NIPBL: variants seen among roughly 807,000 people sequenced by gnomAD.
The protein encoded by NIPBL is NIPBL cohesin loading factor.
A neutral mutation model predicts 321.8 loss-of-function variants in NIPBL; 19 were observed. The ratio of observed to expected loss-of-function variants is 0.06; its 90% confidence interval spans 0.04 to 0.09. NIPBL has a LOEUF of 0.09. Among genes scored for constraint, NIPBL ranks in the 10% least tolerant of loss-of-function variants. NIPBL has a pLI of 1.00. For synonymous variants in NIPBL, 1,106 were observed against 1,114.1 expected (o/e 0.99, Z 0.14); for missense variants, 2,210 against 3,327.0 (o/e 0.66, Z 8.26).
intron 38 of NIPBL, among the ~76,000 whole-genome samples, chr5:37,047,206 C>G (rs1258623339): frequency 6.6e-6 from 1 of 152,078 alleles, no homozygotes; most frequent in African/African-American, 2.4e-5. Context: ...GGTTCTGGAG[C>G]CAATCCCCCA....
At chr5:37,036,522 GATTTT>G in intron 33 of NIPBL, 35 bp downstream of exon 33, 1 of 854,870 alleles carries the variant, frequency 1.2e-6, no homozygotes, top group Non-Finnish European at 1.7e-6. Flanking sequence ...ATCTTTAGTT[GATTTT>G]ATAAGATATT....
In NIPBL at chr5:36,968,095, C is replaced by CAAAAA. The variant is rs1194609840; in HGVS notation, c.611-2769_611-2765dup. On this transcript the variant is annotated intron_variant, in intron 6 of 46. Transcript: ENST00000282516. ...TGGACAACAGAGTGAGACTCTGTCT[C>CAAAAA]AAAAAAAAAAAAAAAACAAAAAACA... Among the ~76,000 whole-genome samples, 35 of 53,774 alleles carry CAAAAA rather than the reference C, an allele frequency of 6.5e-4. 1 individual carries two copies. Among genetic ancestry groups the CAAAAA allele is most frequent in the East Asian group, 1.4e-3 (3 of 2,082 alleles). 35.3% of individuals were successfully genotyped at this position (53,774 alleles called of 152,430 possible).
chr5:37,010,039 A>C (rs1466191476), intron 20 of NIPBL, 48 bp from the exon 21 acceptor site: 2 of 1,413,004 alleles, frequency 1.4e-6, no homozygotes, highest in Non-Finnish European at 2.0e-6. Context: ...ATGACATTTA[A>C]ATGAGATTAT....
chr5:36,945,726 A>AT (rs1739595433), intron 1 of NIPBL, among the ~76,000 whole-genome samples: 1 of 152,194 alleles, frequency 6.6e-6, no homozygotes, highest in Non-Finnish European at 1.5e-5. Flanking sequence ...GAAAGTGAGA[A>AT]TTTTTACAGT....
intron 1 of NIPBL, among the ~76,000 whole-genome samples, chr5:36,906,009 G>T (rs1002173417): frequency 6.6e-6 from 1 of 152,118 alleles, no homozygotes; most frequent in Non-Finnish European, 1.5e-5. Flanking sequence ...CTCCCAAAGT[G>T]CTGGGATTAC....
At chr5:36,990,718 G>A (rs1320212447) in intron 10 of NIPBL, among the ~76,000 whole-genome samples, 4 of 152,090 alleles carry the variant, frequency 2.6e-5, no homozygotes, top group Non-Finnish European at 4.4e-5. Flanking sequence ...ATTTTCCAAA[G>A]TATGCTTAAT....
intron 10 of NIPBL, among the ~76,000 whole-genome samples, chr5:36,992,502 T>A (rs1745642950): frequency 1.3e-5 from 2 of 152,122 alleles, no homozygotes; most frequent in African/African-American, 4.8e-5. Flanking sequence ...ACTGAGTTAG[T>A]TATCCAGATC....
chr5:36,907,033 C>T (rs1747691330), intron 1 of NIPBL, among the ~76,000 whole-genome samples: 1 of 152,188 alleles, frequency 6.6e-6, no homozygotes, highest in Non-Finnish European at 1.5e-5. Flanking sequence ...TTCCGCTTCT[C>T]ATCCCATCAT....
At chr5:36,886,184 T>C (rs1745892617) in intron 1 of NIPBL, 1 of 647,300 alleles carries the variant, frequency 1.5e-6, no homozygotes, top group Non-Finnish European at 2.8e-6. Context: ...CTGAGGGAGG[T>C]GGAGACCTGC....
At chr5:36,994,205 A>G (rs1182951929) in intron 10 of NIPBL, among the ~76,000 whole-genome samples, 2 of 152,174 alleles carry the variant, frequency 1.3e-5, no homozygotes, top group African/African-American at 2.4e-5. Context: ...AAAATGACAC[A>G]GAAGTTAAAC....
At position 37,053,031 on chromosome 5, in the gene NIPBL, C is replaced by G. The variant is rs553042649; in HGVS notation, c.7263+465C>G. ...TAGTCCTCCCTTATCATTAAAGATA[C>G]ATTTCATGACCCCCAGTGGATGCAT... is the stretch of plus-strand genomic sequence containing the variant. On this transcript the variant is annotated intron_variant, in intron 42 of 46. Transcript: ENST00000282516. Among the ~76,000 whole-genome samples, 8 of 152,264 alleles carry G rather than the reference C, an allele frequency of 5.3e-5. No homozygotes were observed. The East Asian group carries it at 5.8e-4, about 11-fold the overall frequency.
intron 32 of NIPBL, among the ~76,000 whole-genome samples, chr5:37,033,501 T>C (rs1751300062): frequency 1.3e-5 from 2 of 150,858 alleles, no homozygotes; most frequent in Non-Finnish European, 2.9e-5. Context: ...CTGCAGATGA[T>C]GGAGAAAAGA....
chr5:36,898,022 A>G (rs1181950744), intron 1 of NIPBL, among the ~76,000 whole-genome samples: 1 of 152,176 alleles, frequency 6.6e-6, no homozygotes, highest in Non-Finnish European at 1.5e-5. Context: ...AAAATAACAG[A>G]TTACAGTATT....
At chr5:37,014,401 G>C (rs1748681677) in intron 21 of NIPBL, among the ~76,000 whole-genome samples, 1 of 150,956 alleles carries the variant, frequency 6.6e-6, no homozygotes, top group Non-Finnish European at 1.5e-5. Context: ...TTTCTGTTCT[G>C]ACCAGGATTA....
At chr5:36,977,838 A>ATTT (rs929914738) in intron 9 of NIPBL, among the ~76,000 whole-genome samples, 53 of 151,860 alleles carry the variant, frequency 3.5e-4, no homozygotes, top group African/African-American at 1.2e-3. Context: ...ATTCCCACTT[A>ATTT]TAAGTGAGAA....
intron 13 of NIPBL, 49 bp from the exon 14 acceptor site, chr5:37,000,940 A>T (rs756687674): frequency 4.4e-6 from 7 of 1,585,840 alleles, no homozygotes; most frequent in African/African-American, 4.0e-5. Context: ...TCAGCTTCAC[A>T]TGTCTACTTG....
intron 1 of NIPBL, among the ~76,000 whole-genome samples, chr5:36,915,278 A>G (rs1464997667): frequency 1.3e-5 from 2 of 152,134 alleles, no homozygotes; most frequent in Non-Finnish European, 2.9e-5. Flanking sequence ...ATTAATTTCT[A>G]ATATTAAAAA....
intron 1 of NIPBL, among the ~76,000 whole-genome samples, chr5:36,934,671 T>C (rs1750021950): frequency 6.6e-6 from 1 of 152,112 alleles, no homozygotes; most frequent in African/African-American, 2.4e-5. Flanking sequence ...ATTGTCACAT[T>C]GACACATTCA....
At position 37,010,073 on chromosome 5, in the gene NIPBL, T is replaced by G. The variant is rs770798943; in HGVS notation, c.4422-14T>G. 13 of 1,597,768 alleles carry G rather than the reference T, an allele frequency of 8.1e-6. No homozygotes were observed. The highest frequency in any genetic ancestry group is 9.4e-6 in the Non-Finnish European group (11 of 1,165,838). Reference sequence around the variant, plus strand: ...ATCTTGATACTCCATACAAATTTTTTTTCTTCATTAAAGGTTAAACAGTAG... The same window carrying G: ...ATCTTGATACTCCATACAAATTTTTGTTCTTCATTAAAGGTTAAACAGTAG... On this transcript the variant is annotated splice_polypyrimidine_tract_variant and intron_variant, in intron 20 of 46. Coordinates refer to ENST00000282516, the MANE Select transcript of NIPBL (RefSeq NM_133433.4).
Sources: gnomAD v4.1 joint callset for allele counts (sites outside exome capture counted in the v4.1 genomes callset) on GRCh38, gnomAD v4.1.1 for gene constraint, MANE v1.5 for transcripts, NCBI Gene and HGNC (gene_info 2026-07-23, HGNC 2026-07-21) for gene names.